ATP6V0E2: variants seen among roughly 807,000 people sequenced by gnomAD.
The protein encoded by ATP6V0E2 is ATPase H+ transporting V0 subunit e2, also known as V-type proton ATPase subunit e 2.
ATP6V0E2 carries 4 observed loss-of-function variants against 11.5 expected under a neutral mutation model. That is an observed-to-expected ratio of 0.35 (90% confidence interval 0.17 to 0.80). ATP6V0E2 has a LOEUF of 0.80. ATP6V0E2 is among the 30% of genes least tolerant of loss of function. The probability of loss-of-function intolerance (pLI) is 0.53; values close to 1 mark genes in which losing one functional copy is unlikely to be tolerated. For synonymous variants in ATP6V0E2, 52 were observed against 51.0 expected (o/e 1.02, Z -0.09); for missense variants, 93 against 113.5 (o/e 0.82, Z 0.82).
intron 3 of ATP6V0E2, 126 bp from the exon 4 acceptor site, chr7:149,879,209 A>T (rs1235647036): frequency 1.1e-5 from 15 of 1,398,730 alleles, no homozygotes; most frequent in Middle Eastern, 2.1e-4. Flanking sequence ...CCTAACCTGG[A>T]CGGAGGGAGG....
chr7:149,873,618 C>G, upstream of ATP6V0E2: 1 of 302,326 alleles, frequency 3.3e-6, no homozygotes, highest in Non-Finnish European at 6.1e-6. Flanking sequence ...TCGGGGCGGC[C>G]CAGGCTGCGG....
intron 2 of ATP6V0E2, among the ~76,000 whole-genome samples, chr7:149,877,744 G>C (rs1803229737): frequency 6.6e-6 from 1 of 152,036 alleles, no homozygotes; most frequent in South Asian, 2.1e-4. Flanking sequence ...ACAAGATGCG[G>C]GGTAATCCCA....
upstream of ATP6V0E2, chr7:149,873,771 T>C: frequency 8.8e-7 from 1 of 1,132,990 alleles, no homozygotes; most frequent in Non-Finnish European, 1.2e-6. Context: ...GGCGCGGGGC[T>C]GACGCGGACC....
Position 149,879,857 on chromosome 7 carries a change from A to T in ATP6V0E2, c.*542A>T. On this transcript the variant is annotated 3_prime_UTR_variant, in exon 4 of 4. Transcript: ENST00000425642. ...GACACGTCTAGATGTGAAATTTCTG[A>T]AAATGTTGAAGCAGAGAAACATTCA... The T allele has an allele frequency of 2.2e-6, 1 of 445,238 alleles. No individual in the cohort carries two copies. Among genetic ancestry groups the T allele is most frequent in the Non-Finnish European group, 3.8e-6 (1 of 265,728 alleles). 27.6% of individuals were successfully genotyped at this position (445,238 alleles called of 1,614,324 possible).
In ATP6V0E2 at chr7:149,879,512, C is replaced by A. The variant is rs1407871168; in HGVS notation, c.*197C>A. On this transcript the variant is annotated 3_prime_UTR_variant, in exon 4 of 4. Transcript: ENST00000425642. ...CCCAGTCTTCCCAGCCAGCCCGGGCCCTGGGGAGCCCTGGGCACAGCAGCG... is the reference window on the plus strand; with the variant it reads ...CCCAGTCTTCCCAGCCAGCCCGGGCACTGGGGAGCCCTGGGCACAGCAGCG... 1.3e-6 allele frequency: 2 copies of A among 1,586,754 alleles called. No individual in the cohort carries two copies. The highest frequency in any genetic ancestry group is 1.8e-5 in the Admixed American group (1 of 56,754).
At chr7:149,878,154 G>A (rs563013187) in intron 2 of ATP6V0E2, among the ~76,000 whole-genome samples, 7 of 152,330 alleles carry the variant, frequency 4.6e-5, no homozygotes, top group African/African-American at 7.2e-5. Context: ...GATGACAGGT[G>A]GGGCAGGTCC....
At chr7:149,875,276 C>T (rs1298361912) in intron 1 of ATP6V0E2, among the ~76,000 whole-genome samples, 1 of 152,176 alleles carries the variant, frequency 6.6e-6, no homozygotes, top group African/African-American at 2.4e-5. Flanking sequence ...GCCACAAATG[C>T]AGCTCTGTGC....
upstream of ATP6V0E2, chr7:149,873,678 G>T (rs932636966): frequency 2.2e-6 from 1 of 458,628 alleles, no homozygotes; most frequent in Non-Finnish European, 3.6e-6. Flanking sequence ...AAGGGCAGGG[G>T]ACGCCCCGAA....
rs577584377 is a variant in ATP6V0E2, at chr7:149,878,476, C to T, written c.153-202C>T. Among the ~76,000 whole-genome samples, 692 of 152,300 alleles carry T rather than the reference C, an allele frequency of 4.5e-3. 9 individuals carry two copies. Among genetic ancestry groups the T allele is most frequent in the African/African-American group, 0.016 (649 of 41,568 alleles). On this transcript the variant is annotated intron_variant, in intron 2 of 3. Coordinates refer to ENST00000425642, the MANE Select transcript of ATP6V0E2 (RefSeq NM_145230.4). ...CAGATCTACCGAACATCAAATGAAA[C>T]CAAAACCAAACCCAGAAGTGCCATA...
At chr7:149,874,310 A>T in intron 1 of ATP6V0E2, 141 bp downstream of exon 1, 5 of 1,140,132 alleles carry the variant, frequency 4.4e-6, no homozygotes, top group Non-Finnish European at 6.0e-6. Flanking sequence ...GCCACCTCTG[A>T]GGTCTCTCTG....
chr7:149,877,689 G>A (rs902424319), intron 2 of ATP6V0E2, among the ~76,000 whole-genome samples: 2 of 151,960 alleles, frequency 1.3e-5, no homozygotes, highest in Non-Finnish European at 2.9e-5. Context: ...GGCCTCAGAG[G>A]GGCTTGTGTT....
At chr7:149,873,618 C>T (rs1278011601), upstream of ATP6V0E2, 4 of 302,212 alleles carry the variant, frequency 1.3e-5, no homozygotes, top group Non-Finnish European at 2.4e-5. Flanking sequence ...TCGGGGCGGC[C>T]CAGGCTGCGG....
chr7:149,873,933 C>G (rs1385079384), upstream of ATP6V0E2: 2 of 1,531,590 alleles, frequency 1.3e-6, no homozygotes, highest in East Asian at 2.4e-5. Context: ...GCGTGCGCGG[C>G]CCGGCCCGGC....
At chr7:149,873,402 C>G (rs1242549210), upstream of ATP6V0E2, 1 of 152,906 alleles carries the variant, frequency 6.5e-6, no homozygotes, top group Non-Finnish European at 1.5e-5. Context: ...CCGCCTTCCC[C>G]CAAACGTCTC....
Position 149,879,701 on chromosome 7 carries a change from A to C in ATP6V0E2, c.*386A>C. ...GAGGAGGACACGTGTCCTCATGGAG[A>C]GGGTGCTCCGGCCCAGGCGGGGGAG... On this transcript the variant is annotated 3_prime_UTR_variant, in exon 4 of 4. Coordinates refer to ENST00000425642, the MANE Select transcript of ATP6V0E2 (RefSeq NM_145230.4). 7.2e-7 allele frequency: 1 copy of C among 1,382,750 alleles called. No homozygotes were observed. Among genetic ancestry groups the C allele is most frequent in the Non-Finnish European group, 9.4e-7 (1 of 1,061,238 alleles). The allele number at this position is 1,382,750 out of a possible 1,614,324, so 85.7% of individuals were successfully genotyped here.
Position 149,879,905 on chromosome 7 carries a change from T to C in ATP6V0E2, c.*590T>C, listed in dbSNP as rs1803370135. ...TCACACACAAAAAGCAACATAGTCA[T>C]GTGGGTCCAGATGGCCTCAGTCCTA... is the stretch of plus-strand genomic sequence containing the variant. On this transcript the variant is annotated 3_prime_UTR_variant, in exon 4 of 4. Coordinates refer to ENST00000425642, the MANE Select transcript of ATP6V0E2 (RefSeq NM_145230.4). 5 of 389,842 alleles carry C rather than the reference T, an allele frequency of 1.3e-5. No homozygotes were observed. The East Asian group carries it at 1.5e-4, about 12-fold the overall frequency. The allele number at this position is 389,842 out of a possible 1,614,324, so 24.1% of individuals were successfully genotyped here.
chr7:149,878,689 C>T lies in ATP6V0E2; in HGVS notation c.164C>T (p.Ala55Val). ...AVCCYLFWLI[A>V]ILAQLNPLFG... ...GCTGTCCCTGGCAGCTGGCTCATCG[C>T]CATCCTGGCGCAGCTGAACCCCCTG... Residue 55 changes from alanine to valine, a missense_variant, in exon 3 of 4, where the codon GCC (alanine) becomes GTC (valine). By Grantham distance (64) the Ala-to-Val change is moderately conservative. Transcript: ENST00000425642. 6.2e-7 allele frequency: 1 copy of T among 1,611,876 alleles called. No individual in the cohort carries two copies.
chr7:149,873,371 C>G (rs1802933827), upstream of ATP6V0E2: 2 of 152,580 alleles, frequency 1.3e-5, no homozygotes, highest in African/African-American at 4.8e-5. Flanking sequence ...TTCCGCTTCC[C>G]GCCATCGAAA....
At chr7:149,874,258 T>C in intron 1 of ATP6V0E2, 89 bp downstream of exon 1, 1 of 1,435,102 alleles carries the variant, frequency 7.0e-7, no homozygotes. Flanking sequence ...GGCTTCCTGC[T>C]CTGCAGCGAG....
Sources: allele counts gnomAD v4.1 joint callset (sites outside exome capture counted in the v4.1 genomes callset), GRCh38; gene constraint gnomAD v4.1.1; transcripts MANE v1.5; gene names NCBI Gene and HGNC (gene_info 2026-07-23, HGNC 2026-07-21).